Variants in UGT8 observed in about 807,000 individuals in gnomAD.
The protein encoded by UGT8 is UDP glycosyltransferase 8, also known as 2-hydroxyacylsphingosine 1-beta-galactosyltransferase.
Under a neutral mutation model 40.5 loss-of-function variants are expected in UGT8, and 12 were observed. That is an observed-to-expected ratio of 0.30 (90% CI 0.19 to 0.48). The LOEUF is 0.48. Ranked by LOEUF, UGT8 falls within the 20% of genes least tolerant of loss-of-function variation. The pLI is 0.99. For synonymous variants in UGT8, 224 were observed against 240.4 expected (o/e 0.93, Z 0.63); for missense variants, 513 against 648.7 (o/e 0.79, Z 2.27).
intron 2 of UGT8, among the ~76,000 whole-genome samples, chr4:114,660,808 G>A (rs769852659): frequency 2.0e-5 from 3 of 151,140 alleles, no homozygotes; most frequent in Non-Finnish European, 2.9e-5. Flanking sequence ...GGAGAAAGGC[G>A]TGAACCCAGG....
At chr4:114,603,971 T>G (rs1386605448) in intron 1 of UGT8, among the ~76,000 whole-genome samples, 1 of 152,170 alleles carries the variant, frequency 6.6e-6, no homozygotes, top group Non-Finnish European at 1.5e-5. Context: ...TTTTAACTTT[T>G]TTGGTTAGAG....
At chr4:114,609,500 T>C (rs1354474601) in intron 1 of UGT8, among the ~76,000 whole-genome samples, 1 of 152,202 alleles carries the variant, frequency 6.6e-6, no homozygotes, top group Non-Finnish European at 1.5e-5. Context: ...CAAGGTCCTC[T>C]GGCTGTCCTG....
intron 1 of UGT8, among the ~76,000 whole-genome samples, chr4:114,599,406 A>G (rs1730298603): frequency 1.3e-5 from 2 of 152,094 alleles, no homozygotes; most frequent in Admixed American, 1.3e-4. Flanking sequence ...CAGGGCAGGG[A>G]TGGAGGTGGG....
chr4:114,645,589 A>G (rs1172598281), intron 2 of UGT8, among the ~76,000 whole-genome samples: 1 of 152,194 alleles, frequency 6.6e-6, no homozygotes, highest in Non-Finnish European at 1.5e-5. Flanking sequence ...TAACATTTCT[A>G]ATATTTTATA....
intron 1 of UGT8, among the ~76,000 whole-genome samples, chr4:114,603,408 G>A (rs1730555643): frequency 6.6e-6 from 1 of 152,122 alleles, no homozygotes; most frequent in South Asian, 2.1e-4. Flanking sequence ...AAAGTTGATA[G>A]GTTTTCCAGG....
rs755203330 is a variant in UGT8 at position 114,623,258 on chromosome 4, T to C, written c.378T>C (p.Gly126=). 2 of 1,614,158 alleles carry C rather than the reference T, an allele frequency of 1.2e-6. No homozygotes were observed. The highest frequency in any genetic ancestry group is 8.5e-7 in the Non-Finnish European group (1 of 1,180,020). The change falls in exon 2 of 6, where the codon GGT becomes GGC. Residue 126 remains glycine, a synonymous_variant. Coordinates refer to ENST00000310836, the MANE Select transcript of UGT8 (RefSeq NM_001128174.3). ...TTGGCAACCATGCCCTGATCCAGGG[T>C]CTGAAGAAAGAAAAATTTGACCTGC... ...LMVGNHALIQ[G]LKKEKFDLLL...
At chr4:114,606,792 A>G (rs1319641815) in intron 1 of UGT8, among the ~76,000 whole-genome samples, 2 of 152,166 alleles carry the variant, frequency 1.3e-5, no homozygotes, top group Non-Finnish European at 2.9e-5. Flanking sequence ...AAGCTCAAGA[A>G]GGAAAGAATA....
intron 1 of UGT8, among the ~76,000 whole-genome samples, chr4:114,600,329 T>G (rs993375769): frequency 1.3e-5 from 2 of 152,298 alleles, no homozygotes; most frequent in African/African-American, 4.8e-5. Flanking sequence ...TACTACCAGT[T>G]TTTCAGTATC....
At chr4:114,661,984 G>T (rs1406729468) in intron 2 of UGT8, among the ~76,000 whole-genome samples, 1 of 152,038 alleles carries the variant, frequency 6.6e-6, no homozygotes, top group East Asian at 1.9e-4. Context: ...AAATCATTCT[G>T]CTCTTGTTTA....
chr4:114,641,696 T>C (rs1733233972), intron 2 of UGT8, among the ~76,000 whole-genome samples: 1 of 152,116 alleles, frequency 6.6e-6, no homozygotes, highest in East Asian at 1.9e-4. Flanking sequence ...AGTAAACCAC[T>C]GTAGTAAACT....
chr4:114,659,457 T>G (rs1734385456), intron 2 of UGT8, among the ~76,000 whole-genome samples: 1 of 152,222 alleles, frequency 6.6e-6, no homozygotes, highest in Admixed American at 6.5e-5. Flanking sequence ...GGTTCAGTAT[T>G]TGGTCCCTTA....
chr4:114,601,805 C>A (rs1344321923), intron 1 of UGT8, among the ~76,000 whole-genome samples: 1 of 151,414 alleles, frequency 6.6e-6, no homozygotes, highest in African/African-American at 2.4e-5. Context: ...AGAATAGAGA[C>A]AGAAGTACCA....
intron 5 of UGT8, 93 bp downstream of exon 5, chr4:114,668,397 TC>T: frequency 1.9e-6 from 2 of 1,042,864 alleles, no homozygotes; most frequent in Non-Finnish European, 2.8e-6. Context: ...CAATAAATTA[TC>T]AAATTATGGA....
chr4:114,638,080 T>A (rs1451606705), intron 2 of UGT8, among the ~76,000 whole-genome samples: 1 of 152,224 alleles, frequency 6.6e-6, no homozygotes, highest in Non-Finnish European at 1.5e-5. Context: ...ATGTGGTGCT[T>A]GTTTTATTTA....
At chr4:114,637,250 G>C (rs1252659174) in intron 2 of UGT8, among the ~76,000 whole-genome samples, 1 of 152,136 alleles carries the variant, frequency 6.6e-6, no homozygotes, top group Non-Finnish European at 1.5e-5. Context: ...CGGTCTTTGT[G>C]AGTTCTACAA....
intron 1 of UGT8, among the ~76,000 whole-genome samples, chr4:114,599,938 G>T (rs1243709739): frequency 6.6e-6 from 1 of 152,150 alleles, no homozygotes; most frequent in East Asian, 1.9e-4. Flanking sequence ...TTATAAAATT[G>T]AGTACGGTAA....
intron 1 of UGT8, among the ~76,000 whole-genome samples, chr4:114,621,954 CTTTTT>C (rs201835954): frequency 6.6e-6 from 1 of 151,080 alleles, no homozygotes; most frequent in Non-Finnish European, 1.5e-5. Flanking sequence ...AGAATGCATT[CTTTTT>C]TTTTATTATT....
chr4:114,668,300 C>T lies in UGT8; in HGVS notation c.1258C>T (p.Pro420Ser), dbSNP rs745331371. The T allele has an allele frequency of 2.5e-6, 4 of 1,613,162 alleles. No individual in the cohort carries two copies. The highest frequency in any genetic ancestry group is 1.1e-5 in the South Asian group (1 of 90,994). Residue 420 changes from proline (P) to serine (S), a missense_variant, in exon 5 of 6, where the codon CCC (proline) becomes TCC (serine). Pro to Ser is a moderately conservative substitution (Grantham distance 74). This residue lies in a region of UGT8 where 175 missense variants were observed against 186.7 expected (regional missense o/e 0.94). Transcript: ENST00000310836. Reference sequence around the variant, plus strand: ...AGCACTAGTGAAGGTTATCAATAATCCCAGGTAAGGTTTCAATTAACATTA... The same window carrying T: ...AGCACTAGTGAAGGTTATCAATAATTCCAGGTAAGGTTTCAATTAACATTA... ...YEALVKVINNPSYRQRAQKLS... is the reference protein window; with the variant it reads ...YEALVKVINNSSYRQRAQKLS...
intron 2 of UGT8, among the ~76,000 whole-genome samples, chr4:114,643,682 C>T (rs1271313193): frequency 6.6e-6 from 1 of 151,980 alleles, no homozygotes; most frequent in African/African-American, 2.4e-5. Context: ...GTAGTTTTTA[C>T]ATCAGTTTCT....
Sources: allele counts gnomAD v4.1 joint callset (sites outside exome capture counted in the v4.1 genomes callset), GRCh38; gene constraint gnomAD v4.1.1; regional missense constraint gnomAD v4.1.1; transcripts MANE v1.5; gene names NCBI Gene and HGNC (gene_info 2026-07-23, HGNC 2026-07-21).